The following SFTPC variants were observed in gnomAD, a reference collection of about 807,000 sequenced individuals.
SFTPC encodes the protein BRICHOS domain containing 6.
SFTPC carries 12 observed loss-of-function variants against 19.9 expected under a neutral mutation model. The ratio of observed to expected loss-of-function variants is 0.60; its 90% confidence interval spans 0.39 to 0.98. The LOEUF (loss-of-function observed/expected upper bound fraction) is 0.98, where lower values mean the gene tolerates loss of function less well. Ranked by LOEUF, SFTPC falls within the 50% of genes least tolerant of loss-of-function variation. The probability of loss-of-function intolerance (pLI) is 0.00; values close to 1 mark genes in which losing one functional copy is unlikely to be tolerated. For synonymous variants in SFTPC, 123 were observed against 103.3 expected, an observed-to-expected ratio of 1.19 and a Z score of -1.16; for missense variants, 219 against 252.2, an observed-to-expected ratio of 0.87 and a Z score of 0.89.
chr8:22,161,811 C>T lies in SFTPC; in HGVS notation c.-18C>T, dbSNP rs78201008. ...CACCTGGGAGAGGAGGAGAGGAGAG[C>T]ATAGCACCTGCAGCAAGATGGATGT... On this transcript the variant is annotated 5_prime_UTR_variant, in exon 1 of 6. Coordinates refer to ENST00000679463, the MANE Select transcript of SFTPC (RefSeq NM_001317778.2). 2.3e-4 allele frequency: 379 copies of T among 1,614,090 alleles called. 2 individuals are homozygous for T. In the African/African-American group the frequency reaches 4.7e-3, roughly 20 times the overall value.
upstream of SFTPC, among the ~76,000 whole-genome samples, chr8:22,161,017 A>G (rs1827695340): frequency 6.6e-6 from 1 of 152,220 alleles, no homozygotes; most frequent in Non-Finnish European, 1.5e-5. Flanking sequence ...GACCAGAGCC[A>G]GCCCTGTTCA....
intron 5 of SFTPC, 74 bp from the exon 6 acceptor site, chr8:22,164,192 G>C: frequency 6.5e-7 from 1 of 1,534,920 alleles, no homozygotes; most frequent in South Asian, 1.2e-5. Flanking sequence ...CTCGGGGGAG[G>C]GGAAGCTCAC....
upstream of SFTPC, among the ~76,000 whole-genome samples, chr8:22,160,821 A>G (rs948453153): frequency 1.3e-5 from 2 of 152,312 alleles, no homozygotes; most frequent in Admixed American, 1.3e-4. Flanking sequence ...TGGCTTTGGG[A>G]AGGCACTAGG....
intron 1 of SFTPC, among the ~76,000 whole-genome samples, 165 bp from the exon 2 acceptor site, chr8:22,162,409 C>G (rs994731436): frequency 6.6e-6 from 1 of 152,222 alleles, no homozygotes; most frequent in Non-Finnish European, 1.5e-5. Context: ...TCCAGGCCAC[C>G]TCCTCCAAGA....
rs909181283 is a variant in SFTPC, at chr8:22,164,286, G to T, written c.*39G>T. 7 of 1,536,076 alleles carry T rather than the reference G, an allele frequency of 4.6e-6. No homozygotes were observed. In the Admixed American group the frequency reaches 1.4e-4, roughly 30 times the overall value. Reference sequence around the variant, plus strand: ...CACAGGGTCAGTGGAAGCCCCAACGGGAAAGGAAACGCCCCGGGCAAAGGG... The same window carrying T: ...CACAGGGTCAGTGGAAGCCCCAACGTGAAAGGAAACGCCCCGGGCAAAGGG... On this transcript the variant is annotated 3_prime_UTR_variant, in exon 6 of 6. Transcript: ENST00000679463.
At chr8:22,157,922 GT>G (rs57772407), upstream of SFTPC, among the ~76,000 whole-genome samples, 9,767 of 152,088 alleles carry the variant, frequency 0.064, 494 homozygotes, top group East Asian at 0.14. Flanking sequence ...TAATTTCTCA[GT>G]AAATATCAAC....
intron 4 of SFTPC, 152 bp downstream of exon 4, chr8:22,163,698 T>A (rs1827878461): frequency 1.3e-6 from 1 of 796,068 alleles, no homozygotes; most frequent in Admixed American, 2.0e-5. Context: ...ACGACTCCTT[T>A]CCTTCCCACC....
chr8:22,158,458 G>A (rs1263898353), upstream of SFTPC, among the ~76,000 whole-genome samples: 1 of 152,222 alleles, frequency 6.6e-6, no homozygotes, highest in Non-Finnish European at 1.5e-5. Flanking sequence ...TGAGGGGCTG[G>A]AGGAGGAAAC....
At chr8:22,162,539 T>G in intron 1 of SFTPC, 35 bp from the exon 2 acceptor site, 2 of 1,611,694 alleles carry the variant, frequency 1.2e-6, no homozygotes, top group East Asian at 4.5e-5. Context: ...CCTCATGACC[T>G]CATGCCTGTC....
At chr8:22,163,246 CT>C in intron 3 of SFTPC, 44 bp downstream of exon 3, 1 of 1,613,774 alleles carries the variant, frequency 6.2e-7, no homozygotes, top group South Asian at 1.1e-5. Flanking sequence ...AATGACAAGG[CT>C]CTGCTAGAGC....
Position 22,162,681 on chromosome 8 carries a change from T to C in SFTPC, c.150T>C (p.Ile50=), listed in dbSNP as rs768981838. The C allele has an allele frequency of 1.2e-6, 2 of 1,614,226 alleles. No individual in the cohort carries two copies. The highest frequency in any genetic ancestry group is 1.1e-5 in the South Asian group (1 of 91,084). ...TGGTGGTCCTCATCGTCGTGGTGAT[T>C]GTGGGAGCCCTGCTCATGGGTCTCC... ...VVVVVLIVVV[I]VGALLMGLHM... The change falls in exon 2 of 6, where the codon ATT becomes ATC. Residue 50 remains isoleucine (I), a synonymous_variant. Coordinates refer to ENST00000679463, the MANE Select transcript of SFTPC (RefSeq NM_001317778.2).
rs1209953579 is a variant in SFTPC at position 22,163,946 on chromosome 8, C to T, written c.481C>T (p.Arg161Ter). 5 of 1,613,558 alleles carry T rather than the reference C, an allele frequency of 3.1e-6. No individual in the cohort carries two copies. In the East Asian group the frequency reaches 6.7e-5, roughly 22 times the overall value. ...GTCTAAGCTGGGCCAGGCAGAGGGG[C>T]GAGATGCAGGCTCAGCACCCTCCGG... ...PTSKLGQAEG[R>*]DAGSAPSGGD... The change falls in exon 5 of 6, where the codon CGA becomes TGA. Residue 161 changes from arginine to a stop codon, truncating the protein, a stop_gained. Coordinates refer to ENST00000679463, the MANE Select transcript of SFTPC (RefSeq NM_001317778.2). LOFTEE classifies it high-confidence loss of function.
At chr8:22,161,746 C>G (rs746560865), upstream of SFTPC, 1 of 1,613,178 alleles carries the variant, frequency 6.2e-7, no homozygotes, top group South Asian at 1.1e-5. Flanking sequence ...TCCTTCACCT[C>G]TGTCCCCTCT....
chr8:22,164,114 G>T (rs189992977), intron 5 of SFTPC, 55 bp downstream of exon 5: 1 of 1,606,814 alleles, frequency 6.2e-7, no homozygotes, highest in African/African-American at 1.3e-5. Context: ...CCACCTGCCC[G>T]GGCTGTGGAG....
chr8:22,161,806 G>A lies in SFTPC; in HGVS notation c.-23G>A, dbSNP rs1175797212. On this transcript the variant is annotated 5_prime_UTR_variant, in exon 1 of 6. Coordinates refer to ENST00000679463, the MANE Select transcript of SFTPC (RefSeq NM_001317778.2). The stretch of plus-strand genomic sequence containing the variant: ...GGTCACACCTGGGAGAGGAGGAGAG[G>A]AGAGCATAGCACCTGCAGCAAGATG... 2 of 1,614,090 alleles carry A rather than the reference G, an allele frequency of 1.2e-6. No individual in the cohort carries two copies. Among genetic ancestry groups the A allele is most frequent in the East Asian group, 4.5e-5 (2 of 44,876 alleles).
At chr8:22,157,844 T>C (rs546955648), upstream of SFTPC, among the ~76,000 whole-genome samples, 2 of 152,386 alleles carry the variant, frequency 1.3e-5, no homozygotes, top group East Asian at 3.9e-4. Context: ...CCATTAAAAA[T>C]GTGATTTATG....
At chr8:22,158,335 C>T (rs1466437343), upstream of SFTPC, among the ~76,000 whole-genome samples, 2 of 152,200 alleles carry the variant, frequency 1.3e-5, no homozygotes, top group African/African-American at 4.8e-5. Flanking sequence ...GGGAGGGAAG[C>T]AGTGAGGGTA....
chr8:22,161,035 C>G (rs1827696213), upstream of SFTPC, among the ~76,000 whole-genome samples: 1 of 152,106 alleles, frequency 6.6e-6, no homozygotes, highest in African/African-American at 2.4e-5. Context: ...TCAGGGCTGT[C>G]CGGGCAGAAG....
chr8:22,158,330 G>A (rs1309386963), upstream of SFTPC, among the ~76,000 whole-genome samples: 5 of 152,188 alleles, frequency 3.3e-5, no homozygotes, highest in South Asian at 1.0e-3. Flanking sequence ...TTGGGGGGAG[G>A]GAAGCAGTGA....
Sources: allele counts gnomAD v4.1 joint callset (sites outside exome capture counted in the v4.1 genomes callset), GRCh38; gene constraint gnomAD v4.1.1; transcripts MANE v1.5; gene names NCBI Gene and HGNC (gene_info 2026-07-23, HGNC 2026-07-21).